PPM1H: variants seen among roughly 807,000 people sequenced by gnomAD.
PPM1H encodes protein phosphatase, Mg2+/Mn2+ dependent 1H.
PPM1H carries 27 observed loss-of-function variants against 54.9 expected under a neutral mutation model. The ratio of observed to expected loss-of-function variants is 0.49; its 90% CI spans 0.36 to 0.68. The LOEUF (loss-of-function observed/expected upper bound fraction) is 0.68, where lower values mean the gene tolerates loss of function less well. Among genes scored for constraint, PPM1H ranks in the 30% least tolerant of loss-of-function variants. The pLI, the probability that PPM1H is intolerant of heterozygous loss-of-function variation, is 0.00. For synonymous variants in PPM1H, 305 were observed against 270.8 expected (o/e 1.13, Z -1.24); for missense variants, 596 against 667.8 (o/e 0.89, Z 1.19).
At chr12:62,869,961 C>T (rs1869921372) in intron 1 of PPM1H, among the ~76,000 whole-genome samples, 1 of 151,054 alleles carries the variant, frequency 6.6e-6, no homozygotes, top group Non-Finnish European at 1.5e-5. Context: ...AATCCTTCAT[C>T]GAGGAGCAGG....
intron 9 of PPM1H, among the ~76,000 whole-genome samples, chr12:62,661,772 T>A (rs987941410): frequency 2.0e-5 from 3 of 152,204 alleles, no homozygotes; most frequent in African/African-American, 7.2e-5. Flanking sequence ...CAGGCTGGTC[T>A]TGAACTCAAG....
In PPM1H at chr12:62,838,697, G is replaced by A. The variant is rs1008925813; in HGVS notation, c.246-6418C>T. Among the ~76,000 whole-genome samples, 9 of 102,522 alleles carry A rather than the reference G, an allele frequency of 8.8e-5. 1 individual carries two copies. Among genetic ancestry groups the A allele is most frequent in the Non-Finnish European group, 1.6e-4 (8 of 50,276 alleles). The allele number at this position is 102,522 out of a possible 152,430, so 67.3% of individuals were successfully genotyped here. A position where few individuals can be genotyped will look rare whatever the true frequency, so the allele number is the denominator to read the frequency against. Reference sequence around the variant, plus strand: ...AGCACTTTGGGAGGCCGAGGCGGGCGGATCACGAGGTCAGGAGATCGAGAC... The same window carrying A: ...AGCACTTTGGGAGGCCGAGGCGGGCAGATCACGAGGTCAGGAGATCGAGAC... On this transcript the variant is annotated intron_variant, in intron 1 of 9. Transcript: ENST00000228705.
intron 4 of PPM1H, chr12:62,755,909 T>G: frequency 1.3e-6 from 1 of 784,660 alleles, no homozygotes; most frequent in Non-Finnish European, 2.3e-6. Flanking sequence ...AAATGGGAAG[T>G]TCACTGGCAT....
intron 9 of PPM1H, among the ~76,000 whole-genome samples, 178 bp downstream of exon 9, chr12:62,667,000 C>T (rs1481299939): frequency 2.4e-4 from 37 of 152,232 alleles, no homozygotes; most frequent in Admixed American, 2.4e-3. Flanking sequence ...GCATGAGACG[C>T]CACACCTGGC....
intron 1 of PPM1H, among the ~76,000 whole-genome samples, chr12:62,872,699 T>C (rs2121010292): frequency 6.6e-6 from 1 of 152,328 alleles, no homozygotes; most frequent in African/African-American, 2.4e-5. Context: ...TTGATCAAAA[T>C]ATACTACCCT....
intron 3 of PPM1H, among the ~76,000 whole-genome samples, chr12:62,798,854 T>A (rs2076750697): frequency 6.6e-6 from 1 of 152,136 alleles, no homozygotes; most frequent in Admixed American, 6.5e-5. Context: ...GCCCTGCACA[T>A]GTCTGCTCTA....
chr12:62,908,407 C>CAAAAAAA (rs751766456), intron 1 of PPM1H, among the ~76,000 whole-genome samples: 10 of 96,862 alleles, frequency 1.0e-4, no homozygotes, highest in South Asian at 3.7e-4. Flanking sequence ...GACTCCGTCT[C>CAAAAAAA]AAAAAAAAAA....
intron 4 of PPM1H, among the ~76,000 whole-genome samples, chr12:62,758,551 T>C (rs1418240915): frequency 6.6e-6 from 1 of 152,254 alleles, no homozygotes; most frequent in Non-Finnish European, 1.5e-5. Context: ...TTGTTTTATC[T>C]TGGTGGTGGG....
At position 62,677,557 on chromosome 12, in the gene PPM1H, G is replaced by A. The variant is rs370991497; in HGVS notation, c.1246-10228C>T. ...GTGTGCCTGGTTCAGCCGTGCTGGG[G>A]TGCCAAAGGTGGTATGTCTGGATGT... is the stretch of plus-strand genomic sequence containing the variant. On this transcript the variant is annotated intron_variant, in intron 8 of 9. Coordinates refer to ENST00000228705, the MANE Select transcript of PPM1H (RefSeq NM_020700.2). Among the ~76,000 whole-genome samples, 7 of 152,326 alleles carry A rather than the reference G, an allele frequency of 4.6e-5. 1 individual carries two copies.
chr12:62,907,321 C>A (rs373985962), intron 1 of PPM1H, among the ~76,000 whole-genome samples: 2 of 152,126 alleles, frequency 1.3e-5, no homozygotes, highest in African/African-American at 4.8e-5. Flanking sequence ...GTCTTGGGAG[C>A]TGGATATTAT....
At chr12:62,891,987 G>GT in intron 1 of PPM1H, among the ~76,000 whole-genome samples, 1 of 152,212 alleles carries the variant, frequency 6.6e-6, no homozygotes, top group East Asian at 1.9e-4. Flanking sequence ...CTTAGGAATT[G>GT]TTTTGCAGTT....
At chr12:62,893,639 G>C (rs770394912) in intron 1 of PPM1H, among the ~76,000 whole-genome samples, 12 of 151,914 alleles carry the variant, frequency 7.9e-5, no homozygotes, top group East Asian at 1.9e-4. Flanking sequence ...GTGTGTGCGG[G>C]GGGGAGGGGG....
At chr12:62,688,689 A>T (rs408429) in intron 8 of PPM1H, among the ~76,000 whole-genome samples, 1 of 152,164 alleles carries the variant, frequency 6.6e-6, no homozygotes, top group African/African-American at 2.4e-5. Flanking sequence ...CGAGGGGATA[A>T]GGTATACATA....
chr12:62,801,779 C>T, intron 3 of PPM1H, 37 bp downstream of exon 3: 1 of 1,606,604 alleles, frequency 6.2e-7, no homozygotes, highest in Non-Finnish European at 8.5e-7. Flanking sequence ...CAGGCGCCAG[C>T]CTGGCCCTGC....
At chr12:62,914,874 A>G (rs140813815) in intron 1 of PPM1H, among the ~76,000 whole-genome samples, 33 of 152,290 alleles carry the variant, frequency 2.2e-4, no homozygotes, top group East Asian at 2.1e-3. Context: ...TTATTCCCAA[A>G]CAGTCCCACA....
chr12:62,861,984 C>T (rs145186535), intron 1 of PPM1H, among the ~76,000 whole-genome samples: 441 of 152,296 alleles, frequency 2.9e-3, no homozygotes, highest in African/African-American at 9.4e-3. Flanking sequence ...CTGGCCCAAA[C>T]CAAATAATGC....
intron 1 of PPM1H, among the ~76,000 whole-genome samples, chr12:62,919,564 A>T (rs1383979261): frequency 6.6e-6 from 1 of 152,178 alleles, no homozygotes; most frequent in East Asian, 1.9e-4. Context: ...CATGATTAGG[A>T]GATATGATGT....
At chr12:62,705,167 C>T (rs984675934) in intron 6 of PPM1H, among the ~76,000 whole-genome samples, 7 of 152,198 alleles carry the variant, frequency 4.6e-5, no homozygotes, top group African/African-American at 1.7e-4. Flanking sequence ...GTGATATACA[C>T]CGATATTTTC....
chr12:62,797,260 G>A (rs1467240343), intron 3 of PPM1H, among the ~76,000 whole-genome samples: 1 of 152,184 alleles, frequency 6.6e-6, no homozygotes, highest in Admixed American at 6.5e-5. Flanking sequence ...CAGAGGGACA[G>A]CTGCATAAAT....
Sources: allele counts gnomAD v4.1 joint callset (sites outside exome capture counted in the v4.1 genomes callset), GRCh38; gene constraint gnomAD v4.1.1; transcripts MANE v1.5; gene names NCBI Gene and HGNC (gene_info 2026-07-23, HGNC 2026-07-21).